The following TRAPPC9 variants were observed in gnomAD, a reference collection of about 807,000 sequenced individuals.
TRAPPC9 encodes trafficking protein particle complex subunit 9.
TRAPPC9 carries 83 observed loss-of-function variants against 124.0 expected under a neutral mutation model. The ratio of observed to expected loss-of-function variants is 0.67; its 90% CI spans 0.56 to 0.80. The LOEUF is 0.80. Ranked by LOEUF, TRAPPC9 falls within the 30% of genes least tolerant of loss-of-function variation. TRAPPC9 has a pLI of 0.00. For missense variants in TRAPPC9, 1,302 were observed against 1,508.3 expected, an observed-to-expected ratio of 0.86 and a Z score of 2.27; for synonymous variants, 638 against 617.5, an observed-to-expected ratio of 1.03 and a Z score of -0.49.
intron 20 of TRAPPC9, among the ~76,000 whole-genome samples, chr8:139,894,130 C>T (rs1830518795): frequency 1.3e-5 from 2 of 152,236 alleles, no homozygotes; most frequent in Admixed American, 6.5e-5. Context: ...AGCCAGTGCC[C>T]TTTATGAGAA....
At chr8:139,925,414 C>G (rs973303028) in intron 19 of TRAPPC9, among the ~76,000 whole-genome samples, 3 of 152,128 alleles carry the variant, frequency 2.0e-5, no homozygotes, top group Non-Finnish European at 4.4e-5. Flanking sequence ...GCAGAAATCT[C>G]GGATTGATCC....
intron 19 of TRAPPC9, among the ~76,000 whole-genome samples, chr8:139,976,965 C>T (rs568793835): frequency 7.2e-5 from 11 of 152,234 alleles, no homozygotes; most frequent in East Asian, 3.9e-4. Context: ...TGCAGGGCCG[C>T]GGAATCAGGG....
chr8:139,988,237 C>T (rs966524422), intron 19 of TRAPPC9, among the ~76,000 whole-genome samples: 5 of 151,778 alleles, frequency 3.3e-5, no homozygotes, highest in Admixed American at 1.3e-4. Flanking sequence ...CTCAGCCTCC[C>T]GAGTAGCTGG....
intron 21 of TRAPPC9, among the ~76,000 whole-genome samples, chr8:139,815,544 C>T (rs1824770341): frequency 6.6e-6 from 1 of 152,174 alleles, no homozygotes; most frequent in Admixed American, 6.5e-5. Context: ...TGCGCCACCA[C>T]ACCTGGCTGC....
In TRAPPC9 at chr8:139,775,818, C is replaced by T. The variant is rs57897846; in HGVS notation, c.3056-43616G>A. On this transcript the variant is annotated intron_variant, in intron 21 of 22. Transcript: ENST00000438773. The stretch of plus-strand genomic sequence containing the variant: ...CATGGTCAAGATGAAGTGCTTGGCT[C>T]TCTGTGGCCATCTGTCCTTCCTGCC... 5.1e-3 allele frequency among the ~76,000 whole-genome samples: 778 copies of T among 152,360 alleles called. 11 individuals carry two copies. The highest frequency in any genetic ancestry group is 0.018 in the African/African-American group (759 of 41,594).
intron 12 of TRAPPC9, among the ~76,000 whole-genome samples, chr8:140,289,312 G>C (rs183025101): frequency 6.6e-6 from 1 of 152,146 alleles, no homozygotes; most frequent in East Asian, 1.9e-4. Context: ...AGTACACTTA[G>C]TGCCCGGACT....
Position 139,732,123 on chromosome 8 carries a change from C to G in TRAPPC9, c.3135G>C (p.Val1045=). 1 of 1,606,628 alleles carries G rather than the reference C, an allele frequency of 6.2e-7. No homozygotes were observed. The highest frequency in any genetic ancestry group is 1.3e-5 in the African/African-American group (1 of 74,964). Residue 1045 remains valine, a synonymous_variant, in exon 22 of 23, where the codon GTG becomes GTC. Coordinates refer to ENST00000438773, the MANE Select transcript of TRAPPC9 (RefSeq NM_001160372.4). ...TGCGCGGGCTCCGGTTGGTCAGCCG[C>G]ACCTCCAGGCGCACGGGGTCGCCCA... The part of the protein sequence containing the change: ...CQVGDPVRLE[V]RLTNRSPRSV...
Position 140,370,952 on chromosome 8 carries a change from G to A in TRAPPC9, c.1351+12C>T. On this transcript the variant is annotated intron_variant, in intron 8 of 22. Coordinates refer to ENST00000438773, the MANE Select transcript of TRAPPC9 (RefSeq NM_001160372.4). Reference sequence around the variant, plus strand: ...AAGCAACACCTTAGCGCCAGCAAGGGGACTCCAGTACCTCTGCTGAAATCT... The same window carrying A: ...AAGCAACACCTTAGCGCCAGCAAGGAGACTCCAGTACCTCTGCTGAAATCT... 1 of 1,613,588 alleles carries A rather than the reference G, an allele frequency of 6.2e-7. No individual in the cohort carries two copies. The highest frequency in any genetic ancestry group is 8.5e-7 in the Non-Finnish European group (1 of 1,179,940).
intron 21 of TRAPPC9, among the ~76,000 whole-genome samples, chr8:139,857,787 T>A (rs752628524): frequency 1.3e-5 from 2 of 152,152 alleles, no homozygotes; most frequent in East Asian, 3.9e-4. Context: ...CAGCAGCAGG[T>A]GGAGAGAGCA....
At position 139,739,869 on chromosome 8, in the gene TRAPPC9, G is replaced by A. The variant is rs554923534; in HGVS notation, c.3056-7667C>T. ...AATACCCAGCACAGGCAGGCAAATGGCAGACACAAGTTCCATTTCATATCT... is the reference window on the plus strand; with the variant it reads ...AATACCCAGCACAGGCAGGCAAATGACAGACACAAGTTCCATTTCATATCT... On this transcript the variant is annotated intron_variant, in intron 21 of 22. Coordinates refer to ENST00000438773, the MANE Select transcript of TRAPPC9 (RefSeq NM_001160372.4). 3.9e-5 allele frequency among the ~76,000 whole-genome samples: 6 copies of A among 152,344 alleles called. No homozygotes were observed. In the South Asian group the frequency reaches 1.2e-3, roughly 32 times the overall value.
chr8:140,402,229 G>A (rs1017370381), intron 6 of TRAPPC9, among the ~76,000 whole-genome samples: 3 of 150,980 alleles, frequency 2.0e-5, no homozygotes, highest in African/African-American at 7.3e-5. Flanking sequence ...AATTAGCCAG[G>A]TGCGGTGGGA....
At chr8:139,792,746 C>T (rs1033741114) in intron 21 of TRAPPC9, among the ~76,000 whole-genome samples, 2 of 152,244 alleles carry the variant, frequency 1.3e-5, no homozygotes, top group Admixed American at 1.3e-4. Flanking sequence ...CAGAGCTGGA[C>T]CCACGGCCGG....
intron 17 of TRAPPC9, among the ~76,000 whole-genome samples, chr8:140,043,201 T>C (rs1425300305): frequency 6.6e-6 from 1 of 152,242 alleles, no homozygotes; most frequent in African/African-American, 2.4e-5. Flanking sequence ...TCTTCCAGTC[T>C]ATAAGCTCTT....
chr8:139,821,790 G>C (rs1335229785), intron 21 of TRAPPC9, among the ~76,000 whole-genome samples: 1 of 152,240 alleles, frequency 6.6e-6, no homozygotes, highest in African/African-American at 2.4e-5. Context: ...CCGTGAGCTT[G>C]TTAAGGCTTC....
chr8:140,405,988 T>G (rs2069476130), intron 5 of TRAPPC9, among the ~76,000 whole-genome samples: 1 of 152,220 alleles, frequency 6.6e-6, no homozygotes, highest in African/African-American at 2.4e-5. Flanking sequence ...AGCTCAATTG[T>G]CTTGAAGGCA....
chr8:139,782,653 A>G (rs1462714445), intron 21 of TRAPPC9, among the ~76,000 whole-genome samples: 1 of 152,254 alleles, frequency 6.6e-6, no homozygotes, highest in Non-Finnish European at 1.5e-5. Context: ...GATCGATACC[A>G]GCAAATAGAA....
At chr8:140,321,360 C>T (rs1240089398) in intron 9 of TRAPPC9, among the ~76,000 whole-genome samples, 2 of 152,238 alleles carry the variant, frequency 1.3e-5, no homozygotes, top group African/African-American at 2.4e-5. Flanking sequence ...CTCCGCAGGA[C>T]GGAAGGCTGC....
At chr8:140,359,982 A>C in intron 9 of TRAPPC9, 68 bp downstream of exon 9, 1 of 1,607,732 alleles carries the variant, frequency 6.2e-7, no homozygotes, top group Non-Finnish European at 8.5e-7. Context: ...GGTTTACATG[A>C]ACCAGCATCT....
intron 17 of TRAPPC9, among the ~76,000 whole-genome samples, chr8:140,032,502 C>T (rs1840560609): frequency 6.6e-6 from 1 of 151,454 alleles, no homozygotes; most frequent in South Asian, 2.1e-4. Flanking sequence ...TGTTAACTTT[C>T]ACTTAATAGA....
Sources: gnomAD v4.1 joint callset for allele counts (sites outside exome capture counted in the v4.1 genomes callset) on GRCh38, gnomAD v4.1.1 for gene constraint, MANE v1.5 for transcripts, NCBI Gene and HGNC (gene_info 2026-07-23, HGNC 2026-07-21) for gene names.